Variants in HEXB observed in about 807,000 individuals in gnomAD.
The protein encoded by HEXB is hexosaminidase subunit beta.
In HEXB, 51 loss-of-function variants were observed where a neutral mutation model predicts 71.2. That is an observed-to-expected ratio of 0.72 (90% CI 0.57 to 0.90). HEXB has a LOEUF of 0.90. HEXB is among the 40% of genes least tolerant of loss of function. The pLI is 0.00. For synonymous variants in HEXB, 266 were observed against 249.3 expected (o/e 1.07, Z -0.63); for missense variants, 617 against 677.0 (o/e 0.91, Z 0.98).
At chr5:74,684,878 A>T (rs2593641), upstream of HEXB, among the ~76,000 whole-genome samples, 79,901 of 151,284 alleles carry the variant, frequency 0.53, 21,513 homozygotes, top group Non-Finnish European at 0.57. Flanking sequence ...GGTTTCACCA[A>T]TTTGGCCAGG....
At chr5:74,681,686 G>A (rs1442504721), upstream of HEXB, among the ~76,000 whole-genome samples, 2 of 152,178 alleles carry the variant, frequency 1.3e-5, no homozygotes, top group Non-Finnish European at 2.9e-5. Context: ...CAAGATCTCA[G>A]GGCTTGGTGA....
chr5:74,677,735 G>A (rs1042510775), intron 1 of HEXB, among the ~76,000 whole-genome samples: 1 of 151,638 alleles, frequency 6.6e-6, no homozygotes, highest in Non-Finnish European at 1.5e-5. Flanking sequence ...AGCTTTTGGG[G>A]TACAAGTGGT....
At chr5:74,695,399 T>G (rs559120039) in intron 3 of HEXB, among the ~76,000 whole-genome samples, 1 of 151,060 alleles carries the variant, frequency 6.6e-6, no homozygotes, top group East Asian at 2.0e-4. Context: ...GAGACAGGGT[T>G]TCACTGTGTT....
chr5:74,653,031 G>A (rs1580359683), intron 1 of HEXB, among the ~76,000 whole-genome samples: 2 of 152,088 alleles, frequency 1.3e-5, no homozygotes, highest in African/African-American at 4.8e-5. Context: ...TGTAAAGGAG[G>A]ACCCAATAGA....
chr5:74,663,086 G>C (rs1748357647), intron 1 of HEXB, among the ~76,000 whole-genome samples: 1 of 152,134 alleles, frequency 6.6e-6, no homozygotes, highest in African/African-American at 2.4e-5. Flanking sequence ...TGTCAGTTTA[G>C]AACTCAGTAA....
intron 6 of HEXB, chr5:74,705,561 A>T: frequency 2.0e-6 from 1 of 492,240 alleles, no homozygotes. Flanking sequence ...GTGTAAATCG[A>T]AATTTAACAA....
intron 1 of HEXB, among the ~76,000 whole-genome samples, chr5:74,657,470 C>T (rs1382905601): frequency 2.0e-5 from 3 of 152,220 alleles, no homozygotes; most frequent in Non-Finnish European, 4.4e-5. Context: ...TGCTCTCCAT[C>T]CCTTCACCCT....
intron 1 of HEXB, among the ~76,000 whole-genome samples, chr5:74,672,337 G>T (rs768420784): frequency 1.3e-5 from 2 of 152,198 alleles, no homozygotes; most frequent in Non-Finnish European, 2.9e-5. Context: ...GCCTCTGGAG[G>T]CTTCCAGCTG....
At chr5:74,693,272 TGAG>T (rs752494706) in intron 2 of HEXB, among the ~76,000 whole-genome samples, 1 of 152,180 alleles carries the variant, frequency 6.6e-6, no homozygotes, top group Non-Finnish European at 1.5e-5. Context: ...CCTACTCTGT[TGAG>T]GAGAAGTTGG....
At chr5:74,689,720 A>T (rs1211490441) in intron 2 of HEXB, 9 of 519,108 alleles carry the variant, frequency 1.7e-5, no homozygotes. Context: ...AGAATTAATC[A>T]CTGTCATTTT....
intron 1 of HEXB, among the ~76,000 whole-genome samples, chr5:74,687,621 G>T (rs1262280587): frequency 6.6e-6 from 1 of 152,098 alleles, no homozygotes; most frequent in African/African-American, 2.4e-5. Flanking sequence ...CTAGGGTCAA[G>T]GTTCTAAGCC....
intron 6 of HEXB, among the ~76,000 whole-genome samples, chr5:74,707,064 C>T (rs569573195): frequency 6.6e-6 from 1 of 152,274 alleles, no homozygotes; most frequent in African/African-American, 2.4e-5. Flanking sequence ...ACTGACACCT[C>T]ACACAGCCGG....
intron 5 of HEXB, among the ~76,000 whole-genome samples, chr5:74,700,665 T>G: frequency 6.6e-6 from 1 of 152,156 alleles, no homozygotes; most frequent in Non-Finnish European, 1.5e-5. Flanking sequence ...TAAATTTGTT[T>G]TAATAACTGT....
At chr5:74,687,687 A>T (rs566109633) in intron 1 of HEXB, among the ~76,000 whole-genome samples, 68 of 152,288 alleles carry the variant, frequency 4.5e-4, no homozygotes, top group Middle Eastern at 6.8e-3. Flanking sequence ...TTTTAAAAAA[A>T]TTTTAATTAA....
chr5:74,684,233 G>C (rs973080939), upstream of HEXB, among the ~76,000 whole-genome samples: 1 of 152,192 alleles, frequency 6.6e-6, no homozygotes, highest in Non-Finnish European at 1.5e-5. Context: ...CTTCTGGTAA[G>C]AGAACACCTC....
At chr5:74,655,498 T>C (rs998868382) in intron 1 of HEXB, among the ~76,000 whole-genome samples, 1 of 151,866 alleles carries the variant, frequency 6.6e-6, no homozygotes, top group Non-Finnish European at 1.5e-5. Context: ...TTTTGTTTGT[T>C]TTTTTAAATG....
intron 1 of HEXB, among the ~76,000 whole-genome samples, chr5:74,645,407 C>T (rs1747985374): frequency 6.6e-6 from 1 of 152,188 alleles, no homozygotes; most frequent in South Asian, 2.1e-4. Context: ...CAATTGTTCA[C>T]TACTGCTACA....
intron 1 of HEXB, among the ~76,000 whole-genome samples, chr5:74,654,959 G>A (rs1748189980): frequency 6.6e-6 from 1 of 152,138 alleles, no homozygotes; most frequent in South Asian, 2.1e-4. Context: ...CGCTGAATAT[G>A]GGAGGTGAAA....
chr5:74,695,524 G>A (rs1397120098), intron 3 of HEXB, among the ~76,000 whole-genome samples: 2 of 149,278 alleles, frequency 1.3e-5, no homozygotes, highest in East Asian at 4.2e-4. Flanking sequence ...ATTGATGTTT[G>A]TTCTGATCCA....
Sources: allele counts gnomAD v4.1 joint callset (sites outside exome capture counted in the v4.1 genomes callset), GRCh38; gene constraint gnomAD v4.1.1; transcripts MANE v1.5; gene names NCBI Gene and HGNC (gene_info 2026-07-23, HGNC 2026-07-21).